The following NOS3 variants were observed in gnomAD, a reference collection of about 807,000 sequenced individuals.
NOS3 encodes NOS type III.
A neutral mutation model predicts 144.9 loss-of-function variants in NOS3; 98 were observed. The ratio of observed to expected loss-of-function variants is 0.68; its 90% CI spans 0.57 to 0.80. NOS3 has a LOEUF of 0.80. NOS3 is among the 30% of genes least tolerant of loss of function. The pLI is 0.00. For synonymous variants in NOS3, 714 were observed against 702.4 expected (o/e 1.02, Z -0.26); for missense variants, 1,465 against 1,656.4 (o/e 0.88, Z 2.01).
rs1319179026 is a variant in NOS3 at position 151,003,526 on chromosome 7, C to T, written c.1752+1222C>T. The T allele has an allele frequency of 1.4e-5, 18 of 1,266,226 alleles. No homozygotes were observed. In the Middle Eastern group the frequency reaches 1.1e-3, roughly 77 times the overall value. 78.4% of individuals were successfully genotyped at this position (1,266,226 alleles called of 1,614,324 possible). ...ACCTACCTTTTCAAGAAAAATAGCA[C>T]CAGCAATTGACTTTTTTTTAGCATA... On this transcript the variant is annotated intron_variant, in intron 14 of 26. Coordinates refer to ENST00000297494, the MANE Select transcript of NOS3 (RefSeq NM_000603.5). This position sits in a 1 kb window ranked among gnomAD's most constrained non-coding sequence, Gnocchi z 4.1.
intron 3 of NOS3, among the ~76,000 whole-genome samples, chr7:150,995,540 T>TG: frequency 2.9e-5 from 1 of 34,014 alleles, no homozygotes; most frequent in African/African-American, 1.2e-4. Context: ...CTCTCCCCCA[T>TG]CCCACCCCTG....
intron 17 of NOS3, 141 bp downstream of exon 17, chr7:151,007,417 G>C: frequency 1.0e-6 from 1 of 990,904 alleles, no homozygotes; most frequent in Non-Finnish European, 1.4e-6. Flanking sequence ...GGCATAGCCA[G>C]CTCTTCTGGG....
Position 150,993,657 on chromosome 7 carries a change from T to C in NOS3, c.-51-96T>C. On this transcript the variant is annotated intron_variant, in intron 1 of 26. Coordinates refer to ENST00000297494, the MANE Select transcript of NOS3 (RefSeq NM_000603.5). This position sits in a 1 kb window ranked among gnomAD's most constrained non-coding sequence, Gnocchi z 4.0. ...AGAGCCTCCCAGCCGGGCTTGTTCC[T>C]GTCCCATTGTGTATGGGATAGGGGC... 1.3e-6 allele frequency: 1 copy of C among 760,150 alleles called. No homozygotes were observed. The highest frequency in any genetic ancestry group is 2.1e-5 in the South Asian group (1 of 48,004). 47.1% of individuals were successfully genotyped at this position (760,150 alleles called of 1,614,324 possible).
intron 8 of NOS3, 29 bp downstream of exon 8, chr7:150,999,114 G>C (rs746530611): frequency 1.2e-6 from 2 of 1,612,546 alleles, no homozygotes; most frequent in Non-Finnish European, 8.5e-7. Flanking sequence ...GACTGGGTGG[G>C]ATGGAGGGGG....
At position 151,012,397 on chromosome 7, in the gene NOS3, C is replaced by T. The variant is rs1426641699; in HGVS notation, c.3031C>T (p.Leu1011=). The change falls in exon 24 of 27, where the codon CTG becomes TTG. Residue 1011 remains leucine (L), a synonymous_variant. Coordinates refer to ENST00000297494, the MANE Select transcript of NOS3 (RefSeq NM_000603.5). ...ACCCGATCCCAGCTTGCCCTGCATC[C>T]TGGTGGGTCCAGGCACTGGCATTGC... is the stretch of plus-strand genomic sequence containing the variant. ...LPPDPSLPCI[L]VGPGTGIAPF... is the part of the protein sequence containing the mutation. 1.9e-6 allele frequency: 3 copies of T among 1,599,928 alleles called. No individual in the cohort carries two copies. The highest frequency in any genetic ancestry group is 3.5e-5 in the Admixed American group (2 of 56,574).
rs528894843 is a variant in NOS3, at chr7:151,012,487, T to C, written c.3106+15T>C. On this transcript the variant is annotated intron_variant, in intron 24 of 26. Coordinates refer to ENST00000297494, the MANE Select transcript of NOS3 (RefSeq NM_000603.5). The stretch of plus-strand genomic sequence containing the variant: ...TGAGAGCAAAGGTGAGGCTGGGGAC[T>C]AAAGGACTGCCTGAAGGGAGTCACA... 1.9e-6 allele frequency: 3 copies of C among 1,609,218 alleles called. No individual in the cohort carries two copies. The South Asian group carries it at 3.3e-5, about 18-fold the overall frequency.
rs1470503893 is a variant in NOS3, at chr7:150,991,896, T to A, written c.-52+596T>A. On this transcript the variant is annotated intron_variant, in intron 1 of 26. Transcript: ENST00000297494. ...CTGTAATCTCAGCTACTCAGGAGGCTGGGTCAGGAGAATCGCTTGAACCCA... is the reference window on the plus strand; with the variant it reads ...CTGTAATCTCAGCTACTCAGGAGGCAGGGTCAGGAGAATCGCTTGAACCCA... Among the ~76,000 whole-genome samples the A allele has an allele frequency of 2.6e-5, 4 of 151,754 alleles. No individual in the cohort carries two copies. In the East Asian group the frequency reaches 7.7e-4, roughly 29 times the overall value.
At position 151,013,929 on chromosome 7, in the gene NOS3, G is replaced by GCGGGC. The variant is rs201015554; in HGVS notation, c.3450+18_3450+22dup. On this transcript the variant is annotated intron_variant, in intron 26 of 26. Coordinates refer to ENST00000297494, the MANE Select transcript of NOS3 (RefSeq NM_000603.5). ...ATCGGCGTGCTGCGGGTGCGGAGGG[G>GCGGGC]CGGGCCGGGCCTGAGCGTGCGGGGT... 9.8e-5 allele frequency: 157 copies of GCGGGC among 1,598,094 alleles called. 1 individual carries two copies. In the African/African-American group the frequency reaches 1.8e-3, roughly 18 times the overall value.
Position 150,996,860 on chromosome 7 carries a change from G to A in NOS3, c.517G>A (p.Gly173Arg), listed in dbSNP as rs758853625. 3.1e-6 allele frequency: 5 copies of A among 1,597,608 alleles called. No individual in the cohort carries two copies. Among genetic ancestry groups the A allele is most frequent in the African/African-American group, 1.3e-5 (1 of 74,676 alleles). Residue 173 changes from glycine to arginine, a missense_variant, in exon 5 of 27, where the codon GGG (glycine) becomes AGG (arginine). Transcript: ENST00000297494. ...GCTTAGGGAGAGCGAGCTGGTGTTCGGGGCTAAGCAGGCCTGGCGCAACGC... is the reference window on the plus strand; with the variant it reads ...GCTTAGGGAGAGCGAGCTGGTGTTCAGGGCTAAGCAGGCCTGGCGCAACGC... ...YQLRESELVFGAKQAWRNAPR... is the reference protein window; with the variant it reads ...YQLRESELVFRAKQAWRNAPR...
In NOS3 at chr7:151,009,046, C is replaced by T; in HGVS notation, c.2229C>T (p.Gly743=). Residue 743 remains glycine, a synonymous_variant, in exon 18 of 27, where the codon GGC becomes GGT. Transcript: ENST00000297494. ...ACCGGCTGAGCGCCCAGGCCGAGGG[C>T]CTGCAGTTGCTGCCAGGTGGGCCCT... The part of the protein sequence containing the change: ...QRYRLSAQAE[G]LQLLPGLIHV... 1.2e-6 allele frequency: 2 copies of T among 1,612,782 alleles called. No homozygotes were observed. The highest frequency in any genetic ancestry group is 1.7e-6 in the Non-Finnish European group (2 of 1,179,572).
At position 150,991,312 on chromosome 7, in the gene NOS3, C is replaced by G. The variant is rs1353937699; in HGVS notation, c.-52+12C>G. 2 of 152,246 alleles carry G rather than the reference C, an allele frequency of 1.3e-5. No homozygotes were observed. Among genetic ancestry groups the G allele is most frequent in the African/African-American group, 4.8e-5 (2 of 41,442 alleles). The allele number at this position is 152,246 out of a possible 1,614,324, so 9.4% of individuals were successfully genotyped here. ...ACCTTCTGCAGCAGGTACCTGCTCT[C>G]TAAGAGGGAGGCCTGGGTGGTGCAC... On this transcript the variant is annotated intron_variant, in intron 1 of 26. Coordinates refer to ENST00000297494, the MANE Select transcript of NOS3 (RefSeq NM_000603.5).
In NOS3 at chr7:151,006,887, A is replaced by T; in HGVS notation, c.1821-2A>T. On this transcript the variant is annotated splice_acceptor_variant, in intron 15 of 26. Transcript: ENST00000297494. LOFTEE classifies it high-confidence loss of function. ...AACCTTGTCTTTGTCCTCTCTTGCCAGGAGTTATAAGATCCGCTTCAACAG... is the reference window on the plus strand; with the variant it reads ...AACCTTGTCTTTGTCCTCTCTTGCCTGGAGTTATAAGATCCGCTTCAACAG... 2 of 1,611,708 alleles carry T rather than the reference A, an allele frequency of 1.2e-6. No homozygotes were observed. The highest frequency in any genetic ancestry group is 1.7e-6 in the Non-Finnish European group (2 of 1,178,080).
Position 151,008,901 on chromosome 7 carries a change from TCCTCAGCCCTCACCGGCCTGTC to T in NOS3, c.2113-26_2113-5del, listed in dbSNP as rs1795247027. 2 of 1,575,664 alleles carry T rather than the reference TCCTCAGCCCTCACCGGCCTGTC, an allele frequency of 1.3e-6. No individual in the cohort carries two copies. The highest frequency in any genetic ancestry group is 1.7e-6 in the Non-Finnish European group (2 of 1,161,272). ...TAGGGCGACCCCTGGTGGCGGGAGG[TCCTCAGCCCTCACCGGCCTGTC>T]CCGCAGGCCGCCTGTGAGACCTTCT... On this transcript the variant is annotated splice_region_variant and splice_polypyrimidine_tract_variant and intron_variant, in intron 17 of 26. Transcript: ENST00000297494.
intron 3 of NOS3, among the ~76,000 whole-genome samples, chr7:150,995,544 ACCCC>A (rs1802360489): frequency 3.9e-5 from 1 of 25,468 alleles, no homozygotes; most frequent in Non-Finnish European, 7.8e-5. Flanking sequence ...CCCCCATCCC[ACCCC>A]TGCACCCCTT....
rs373556769 is a variant in NOS3 at position 151,003,714 on chromosome 7, G to A, written c.1752+1410G>A. On this transcript the variant is annotated intron_variant, in intron 14 of 26. Coordinates refer to ENST00000297494, the MANE Select transcript of NOS3 (RefSeq NM_000603.5). The surrounding 1 kb of genome is among the most constrained non-coding windows in gnomAD (Gnocchi z 4.1). ...AGAATAGTTTCGCCTGCTCTAGAAC[G>A]GCACCTAGATGGAAGCACGCAGTGT... The A allele has an allele frequency of 3.4e-5, 18 of 522,414 alleles. No individual in the cohort carries two copies. Among genetic ancestry groups the A allele is most frequent in the Non-Finnish European group, 4.7e-5 (13 of 273,702 alleles). 32.4% of individuals were successfully genotyped at this position (522,414 alleles called of 1,614,324 possible). A position where few individuals can be genotyped will look rare whatever the true frequency, so the allele number is the denominator to read the frequency against.
chr7:151,001,986 G>T, intron 13 of NOS3, 21 bp downstream of exon 13: 3 of 1,612,134 alleles, frequency 1.9e-6, no homozygotes, highest in South Asian at 1.1e-5. Flanking sequence ...GCCCAGGGGA[G>T]CAGGGAGCTA....
chr7:151,014,123 T>G lies in NOS3; in HGVS notation c.3566T>G (p.Val1189Gly), dbSNP rs779787527. ...SLQERQLRGAVPWAFDPPGSD... is the reference protein window; with the variant it reads ...SLQERQLRGAGPWAFDPPGSD... ...CAGGAGCGTCAGTTGCGGGGCGCAG[T>G]GCCCTGGGCGTTCGACCCTCCCGGC... Residue 1189 changes from valine (V) to glycine (G), a missense_variant, in exon 27 of 27, where the codon GTG (valine) becomes GGG (glycine). This residue lies in a region of NOS3 where 228 missense variants were observed against 227.7 expected (regional missense o/e 1.00). Coordinates refer to ENST00000297494, the MANE Select transcript of NOS3 (RefSeq NM_000603.5). The G allele has an allele frequency of 6.2e-7, 1 of 1,612,458 alleles. No homozygotes were observed. Among genetic ancestry groups the G allele is most frequent in the Admixed American group, 1.7e-5 (1 of 60,010 alleles).
Position 151,010,142 on chromosome 7 carries a change from AC to A in NOS3, c.2545del (p.Arg849GlyfsTer109). On this transcript the variant is annotated frameshift_variant, in exon 21 of 27. Coordinates refer to ENST00000297494, the MANE Select transcript of NOS3 (RefSeq NM_000603.5). LOFTEE classifies it high-confidence loss of function. Reference sequence around the variant, plus strand: ...GGCCCTCCCCCCGGCTGGGTGCGGGACCCCCGGCTGCCCCCGTGCACGCTGC... The same window carrying A: ...GGCCCTCCCCCCGGCTGGGTGCGGGACCCCGGCTGCCCCCGTGCACGCTGC... ...PGGPPPGWVR[D>X]PRLPPCTLRQ... 1 of 1,606,680 alleles carries A rather than the reference AC, an allele frequency of 6.2e-7. No homozygotes were observed. Among genetic ancestry groups the A allele is most frequent in the Non-Finnish European group, 8.5e-7 (1 of 1,176,950 alleles).
chr7:150,998,245 C>A lies in NOS3; in HGVS notation c.583-112C>A. 1.1e-6 allele frequency: 1 copy of A among 895,354 alleles called. No individual in the cohort carries two copies. The highest frequency in any genetic ancestry group is 1.7e-6 in the Non-Finnish European group (1 of 573,502). The allele number at this position is 895,354 out of a possible 1,614,324, so 55.5% of individuals were successfully genotyped here. A position where few individuals can be genotyped will look rare whatever the true frequency, so the allele number is the denominator to read the frequency against. ...TGGCTGCCAATGGTCAGGAGGGCGC[C>A]ATGGAGTGAACCATGGCCCCTGCCT... On this transcript the variant is annotated intron_variant, in intron 5 of 26. Transcript: ENST00000297494. This position sits in a 1 kb window ranked among gnomAD's most constrained non-coding sequence, Gnocchi z 5.0.
Sources: allele counts gnomAD v4.1 joint callset (sites outside exome capture counted in the v4.1 genomes callset), GRCh38; gene constraint gnomAD v4.1.1; regional missense constraint gnomAD v4.1.1; non-coding constraint Gnocchi (gnomAD v3.1); transcripts MANE v1.5; gene names NCBI Gene and HGNC (gene_info 2026-07-23, HGNC 2026-07-21).